The following ARK2C variants were observed in gnomAD, a reference collection of about 807,000 sequenced individuals.
ARK2C encodes the protein arkadia (RNF111) C-terminal like ring finger ubiquitin ligase 2C.
chr18:46,349,411 C>T, the ARK2C span, among the ~76,000 whole-genome samples: 1 of 152,202 alleles, frequency 6.6e-6, no homozygotes, highest in Non-Finnish European at 1.5e-5. Flanking sequence ...TTCATGAGCG[C>T]TTCACTCTTG....
At chr18:46,440,466 G>A in the ARK2C span, among the ~76,000 whole-genome samples, 3 of 152,190 alleles carry the variant, frequency 2.0e-5, no homozygotes, top group Admixed American at 6.5e-5. Flanking sequence ...ATTATTCACA[G>A]TTTCAGGCAG....
the ARK2C span, among the ~76,000 whole-genome samples, chr18:46,394,463 T>C: frequency 6.6e-6 from 1 of 152,144 alleles, no homozygotes; most frequent in Non-Finnish European, 1.5e-5. Flanking sequence ...AAGGCATCTC[T>C]GGGGATGTGC....
chr18:46,334,584 T>G, the ARK2C span: 4 of 489,994 alleles, frequency 8.2e-6, no homozygotes, highest in African/African-American at 8.2e-5. This position sits in a 1 kb window ranked among gnomAD's most constrained non-coding sequence, Gnocchi z 4.4. Context: ...CATTTTTTAT[T>G]TTTTGCGGCG....
At chr18:46,385,908 T>C in the ARK2C span, 6 of 152,242 alleles carry the variant, frequency 3.9e-5, no homozygotes, top group Non-Finnish European at 8.8e-5. Flanking sequence ...AAGACTGTAA[T>C]GCTGTCTTCA....
chr18:46,338,968 C>A, the ARK2C span, among the ~76,000 whole-genome samples: 23 of 152,290 alleles, frequency 1.5e-4, no homozygotes, highest in South Asian at 2.3e-3. Context: ...CTCCTCTCCC[C>A]CCATGGCTGC....
the ARK2C span, among the ~76,000 whole-genome samples, chr18:46,455,472 G>A: frequency 6.6e-6 from 1 of 152,176 alleles, no homozygotes; most frequent in African/African-American, 2.4e-5. Flanking sequence ...CAGCAAAAAT[G>A]ATGTCCACTT....
chr18:46,430,617 A>T, the ARK2C span, among the ~76,000 whole-genome samples: 1 of 151,986 alleles, frequency 6.6e-6, no homozygotes, highest in Non-Finnish European at 1.5e-5. Context: ...GGTTCCTTCA[A>T]CGTTTGCATC....
the ARK2C span, among the ~76,000 whole-genome samples, chr18:46,392,889 G>A: frequency 2.0e-5 from 3 of 152,214 alleles, no homozygotes; most frequent in Non-Finnish European, 4.4e-5. Flanking sequence ...TTTGGGGAGT[G>A]ACTCCTAATC....
At chr18:46,394,226 C>T in the ARK2C span, among the ~76,000 whole-genome samples, 1 of 152,186 alleles carries the variant, frequency 6.6e-6, no homozygotes, top group African/African-American at 2.4e-5. Flanking sequence ...AAGGTGCCTG[C>T]CTTGATTTCA....
the ARK2C span, chr18:46,461,000 C>T: frequency 6.6e-6 from 1 of 152,436 alleles, no homozygotes; most frequent in East Asian, 1.9e-4. Context: ...AGCCGGTATC[C>T]TCTGAGGAAA....
chr18:46,381,057 C>T, the ARK2C span, among the ~76,000 whole-genome samples: 17 of 152,238 alleles, frequency 1.1e-4, no homozygotes, highest in African/African-American at 4.1e-4. Flanking sequence ...AAGCCCTGGG[C>T]ATGCCACACT....
chr18:46,444,220 T>C, the ARK2C span, among the ~76,000 whole-genome samples: 1 of 152,176 alleles, frequency 6.6e-6, no homozygotes, highest in Non-Finnish European at 1.5e-5. Context: ...TAGATTATTA[T>C]GTCCCTTGGA....
the ARK2C span, among the ~76,000 whole-genome samples, chr18:46,358,062 T>C: frequency 1.3e-5 from 2 of 152,184 alleles, no homozygotes; most frequent in South Asian, 4.1e-4. Context: ...TCATCTGAAC[T>C]TGATCACATC....
chr18:46,430,980 G>A, the ARK2C span, among the ~76,000 whole-genome samples: 8 of 152,124 alleles, frequency 5.3e-5, no homozygotes, highest in African/African-American at 1.9e-4. Flanking sequence ...TGCCATGGTG[G>A]TTTGCTGCAC....
the ARK2C span, among the ~76,000 whole-genome samples, chr18:46,398,339 G>T: frequency 1.2e-4 from 18 of 151,824 alleles, no homozygotes; most frequent in African/African-American, 3.9e-4. Context: ...CAGGTAGGGA[G>T]GGGGAGCGAC....
chr18:46,379,390 A>G, the ARK2C span, among the ~76,000 whole-genome samples: 1 of 152,170 alleles, frequency 6.6e-6, no homozygotes, highest in Non-Finnish European at 1.5e-5. Flanking sequence ...TTCAGGGCTC[A>G]TATCTTATTC....
At chr18:46,334,371 G>A in the ARK2C span, 1 of 1,564,252 alleles carries the variant, frequency 6.4e-7, no homozygotes, top group Non-Finnish European at 8.6e-7. The surrounding 1 kb of genome is among the most constrained non-coding windows in gnomAD (Gnocchi z 4.4). Flanking sequence ...GCTTCGGAGC[G>A]TGGATCGCCG....
chr18:46,420,609 C>T, the ARK2C span, among the ~76,000 whole-genome samples: 6 of 151,892 alleles, frequency 4.0e-5, no homozygotes, highest in Non-Finnish European at 7.4e-5. Context: ...CTTTGGGAGG[C>T]TGAGGAGGGT....
the ARK2C span, among the ~76,000 whole-genome samples, chr18:46,414,917 G>A: frequency 6.6e-6 from 1 of 152,186 alleles, no homozygotes; most frequent in East Asian, 1.9e-4. Flanking sequence ...TTCCACCCAG[G>A]GCTGCAGGAG....
Sources: gnomAD v4.1 joint callset for allele counts (sites outside exome capture counted in the v4.1 genomes callset) on GRCh38, gnomAD v4.1.1 for gene constraint, Gnocchi (gnomAD v3.1) non-coding constraint, MANE v1.5 for transcripts, NCBI Gene and HGNC (gene_info 2026-07-23, HGNC 2026-07-21) for gene names.